The following AP1M1 variants were observed in gnomAD, a reference collection of about 807,000 sequenced individuals.
AP1M1 encodes the protein adaptor related protein complex 1 subunit mu 1.
In AP1M1, 18 loss-of-function variants were observed where a neutral mutation model predicts 57.1. The ratio of observed to expected loss-of-function variants is 0.32; its 90% CI spans 0.22 to 0.47. The LOEUF (loss-of-function observed/expected upper bound fraction) is 0.47. AP1M1 is among the 20% of genes least tolerant of loss of function. The pLI, the probability that AP1M1 is intolerant of heterozygous loss-of-function variation, is 1.00. For synonymous variants in AP1M1, 241 were observed against 237.9 expected (o/e 1.01, Z -0.12); for missense variants, 362 against 593.5 (o/e 0.61, Z 4.05).
At position 16,238,273 on chromosome 19, in the gene AP1M1, A is replaced by G. The variant is rs1336585045; in HGVS notation, c.*3838A>G. The stretch of plus-strand genomic sequence containing the variant: ...AAAAGCCCTGAGAAGTCCATGCACC[A>G]ATATATAGAGAAATATCAGGTGTAC... On this transcript the variant is annotated 3_prime_UTR_variant, in exon 12 of 12. Coordinates refer to ENST00000291439, the MANE Select transcript of AP1M1 (RefSeq NM_032493.4). 1 of 151,348 alleles carries G rather than the reference A, an allele frequency of 6.6e-6. No homozygotes were observed. The highest frequency in any genetic ancestry group is 2.4e-5 in the African/African-American group (1 of 41,362). 9.4% of individuals were successfully genotyped at this position (151,348 alleles called of 1,614,324 possible).
chr19:16,200,319 G>C (rs895506494), intron 1 of AP1M1, among the ~76,000 whole-genome samples: 1 of 152,176 alleles, frequency 6.6e-6, no homozygotes, highest in African/African-American at 2.4e-5. Flanking sequence ...TGGAAGGCAC[G>C]ATCATGTGGA....
Position 16,197,986 on chromosome 19 carries a change from G to GCCACCGCCCTCGGCCGCTGCCGCCC in AP1M1, c.-19_-18insCCCCCACCGCCCTCGGCCGCTGCCG. The GCCACCGCCCTCGGCCGCTGCCGCCC allele has an allele frequency of 6.5e-7, 1 of 1,539,220 alleles. No individual in the cohort carries two copies. Among genetic ancestry groups the GCCACCGCCCTCGGCCGCTGCCGCCC allele is most frequent in the Non-Finnish European group, 8.7e-7 (1 of 1,144,992 alleles). On this transcript the variant is annotated 5_prime_UTR_variant, in exon 1 of 12. Coordinates refer to ENST00000291439, the MANE Select transcript of AP1M1 (RefSeq NM_032493.4). ...AGCAGTCCCCACCGTCGCTGCCGCC[G>GCCACCGCCCTCGGCCGCTGCCGCCC]CCACCGCCCTCGGCCGCTGCCGAGG...
rs564128265 is a variant in AP1M1, at chr19:16,220,482, C to T, written c.547-5939C>T. On this transcript the variant is annotated intron_variant, in intron 5 of 11. Coordinates refer to ENST00000291439, the MANE Select transcript of AP1M1 (RefSeq NM_032493.4). ...TACAGCTCACCGCAACCTCTGCCTC[C>T]CAGGTTCAAGCGATTCTCCAGCCTC... 1.1e-4 allele frequency among the ~76,000 whole-genome samples: 17 copies of T among 152,152 alleles called. No individual in the cohort carries two copies. In the South Asian group the frequency reaches 3.5e-3, roughly 32 times the overall value.
chr19:16,204,892 G>A (rs375878049), intron 2 of AP1M1, among the ~76,000 whole-genome samples: 9 of 150,904 alleles, frequency 6.0e-5, no homozygotes, highest in Admixed American at 2.7e-4. Flanking sequence ...GTGCAGTGGC[G>A]CCATCTGGGC....
In AP1M1 at chr19:16,233,471, G is replaced by A. The variant is rs376497909; in HGVS notation, c.1048-22G>A. On this transcript the variant is annotated intron_variant, in intron 9 of 11. Transcript: ENST00000291439. ...GCTGGGGCAGGGCCTAGGCCTGAGCGCCTCCCCCGTCTGCTCCCCAGGGCG... is the reference window on the plus strand; with the variant it reads ...GCTGGGGCAGGGCCTAGGCCTGAGCACCTCCCCCGTCTGCTCCCCAGGGCG... The A allele has an allele frequency of 3.2e-5, 50 of 1,578,278 alleles. No homozygotes were observed. In the African/African-American group the frequency reaches 4.8e-4, roughly 15 times the overall value.
rs757557803 is a variant in AP1M1 at position 16,244,693 on chromosome 19, G to C, written c.*10258G>C. The C allele has an allele frequency of 1.3e-5, 2 of 151,756 alleles. No individual in the cohort carries two copies. Among genetic ancestry groups the C allele is most frequent in the Admixed American group, 6.6e-5 (1 of 15,234 alleles). The allele number at this position is 151,756 out of a possible 1,614,324, so 9.4% of individuals were successfully genotyped here. A position where few individuals can be genotyped will look rare whatever the true frequency, so the allele number is the denominator to read the frequency against. On this transcript the variant is annotated 3_prime_UTR_variant, in exon 12 of 12. Transcript: ENST00000291439. The stretch of plus-strand genomic sequence containing the variant: ...AAAATACAAAAAATTAGCCGGGCGC[G>C]GTGGCGGGCGCCTGTAGTCCCAGCT...
intron 2 of AP1M1, among the ~76,000 whole-genome samples, chr19:16,205,321 G>A (rs932462220): frequency 5.9e-5 from 9 of 152,270 alleles, no homozygotes; most frequent in South Asian, 4.1e-4. Flanking sequence ...AGTGGACATC[G>A]TTTCACCCCC....
At chr19:16,222,211 A>ATTTT (rs1185219025) in intron 5 of AP1M1, among the ~76,000 whole-genome samples, 3 of 125,118 alleles carry the variant, frequency 2.4e-5, no homozygotes, top group African/African-American at 9.7e-5. Context: ...TATTATTATT[A>ATTTT]TTTTTTTTTT....
Position 16,239,285 on chromosome 19 carries a change from T to C in AP1M1, c.*4850T>C, listed in dbSNP as rs2091637020. On this transcript the variant is annotated 3_prime_UTR_variant, in exon 12 of 12. Coordinates refer to ENST00000291439, the MANE Select transcript of AP1M1 (RefSeq NM_032493.4). ...TTTTTTTTTTTTTTTTTTTTAAGAC[T>C]GCAAAGCTGGGCATGGTAGTATGCA... 1 of 113,486 alleles carries C rather than the reference T, an allele frequency of 8.8e-6. No homozygotes were observed. The highest frequency in any genetic ancestry group is 1.7e-5 in the Non-Finnish European group (1 of 57,890). The allele number at this position is 113,486 out of a possible 1,614,324, so 7.0% of individuals were successfully genotyped here.
In AP1M1 at chr19:16,242,907, CCAT is replaced by C. The variant is rs2091650387; in HGVS notation, c.*8473_*8475del. On this transcript the variant is annotated 3_prime_UTR_variant, in exon 12 of 12. Transcript: ENST00000291439. ...TAGCTGGGATTACAGGCATGCACCA[CCAT>C]GCTTGGCTAAATTTTTTTATTTTTG... 6.6e-6 allele frequency: 1 copy of C among 152,186 alleles called. No homozygotes were observed. The highest frequency in any genetic ancestry group is 6.6e-5 in the Admixed American group (1 of 15,262). 9.4% of individuals were successfully genotyped at this position (152,186 alleles called of 1,614,324 possible).
intron 4 of AP1M1, 96 bp downstream of exon 4, chr19:16,208,245 A>G: frequency 1.4e-6 from 2 of 1,380,906 alleles, no homozygotes; most frequent in South Asian, 3.0e-5. Flanking sequence ...ATTTGTGTTC[A>G]TGTTGTCCCC....
At chr19:16,218,738 C>T (rs939087106) in intron 5 of AP1M1, among the ~76,000 whole-genome samples, 6 of 152,204 alleles carry the variant, frequency 3.9e-5, no homozygotes, top group Non-Finnish European at 8.8e-5. Flanking sequence ...TTAGGGTTCT[C>T]ACAAACCCCT....
chr19:16,202,933 T>C (rs1265413595), intron 1 of AP1M1: 1 of 156,340 alleles, frequency 6.4e-6, no homozygotes, highest in East Asian at 1.9e-4. Flanking sequence ...TGTCCCATTT[T>C]CCATTCCTAT....
chr19:16,221,091 A>G (rs1040939164), intron 5 of AP1M1, among the ~76,000 whole-genome samples: 11 of 152,220 alleles, frequency 7.2e-5, no homozygotes, highest in African/African-American at 2.7e-4. Flanking sequence ...GGAAGTTATC[A>G]ATCATTGTTT....
At chr19:16,226,919 T>C (rs2091573829) in intron 6 of AP1M1, among the ~76,000 whole-genome samples, 1 of 152,126 alleles carries the variant, frequency 6.6e-6, no homozygotes, top group Non-Finnish European at 1.5e-5. Context: ...AGGCCACGCA[T>C]GGTGATTCTC....
rs1453907625 is a variant in AP1M1, at chr19:16,238,381, GT to G, written c.*3947del. 6.6e-6 allele frequency: 1 copy of G among 152,190 alleles called. No individual in the cohort carries two copies. Among genetic ancestry groups the G allele is most frequent in the Non-Finnish European group, 1.5e-5 (1 of 68,030 alleles). The allele number at this position is 152,190 out of a possible 1,614,324, so 9.4% of individuals were successfully genotyped here. A position where few individuals can be genotyped will look rare whatever the true frequency, so the allele number is the denominator to read the frequency against. On this transcript the variant is annotated 3_prime_UTR_variant, in exon 12 of 12. Coordinates refer to ENST00000291439, the MANE Select transcript of AP1M1 (RefSeq NM_032493.4). ...TCCTTCAATAGGAAAAGGGACCACT[GT>G]AGTCCATTCATGCAAGAGATTACAG...
chr19:16,210,317 C>T (rs1053824228), intron 5 of AP1M1: 7 of 703,996 alleles, frequency 9.9e-6, no homozygotes, highest in Admixed American at 6.1e-5. Flanking sequence ...AGAAACATGT[C>T]GTGTCCAGGT....
intron 5 of AP1M1, among the ~76,000 whole-genome samples, chr19:16,215,445 C>G (rs932620657): frequency 6.9e-5 from 7 of 100,896 alleles, no homozygotes; most frequent in African/African-American, 2.7e-4. Flanking sequence ...GCCTGGGCCA[C>G]AGAATGAGAT....
intron 10 of AP1M1, chr19:16,233,948 G>A (rs78742785): frequency 0.018 from 9,999 of 552,664 alleles, 112 homozygotes; most frequent in Middle Eastern, 0.022. Flanking sequence ...CTTCTGGCCG[G>A]GCCCCCCAAG....
Sources: allele counts gnomAD v4.1 joint callset (sites outside exome capture counted in the v4.1 genomes callset), GRCh38; gene constraint gnomAD v4.1.1; transcripts MANE v1.5; gene names NCBI Gene and HGNC (gene_info 2026-07-23, HGNC 2026-07-21).